The following GOLM1 variants were observed in gnomAD, a reference collection of about 807,000 sequenced individuals.
The protein encoded by GOLM1 is golgi membrane protein 1.
Under a neutral mutation model 50.5 loss-of-function variants are expected in GOLM1, and 31 were observed. The ratio of observed to expected loss-of-function variants is 0.61; its 90% CI spans 0.46 to 0.83. The LOEUF is 0.83. GOLM1 is among the 40% of genes least tolerant of loss of function. The pLI is 0.00. For missense variants in GOLM1, 491 were observed against 501.3 expected (o/e 0.98, Z 0.20); for synonymous variants, 178 against 192.8 (o/e 0.92, Z 0.64).
chr9:86,035,866 CAAAAAAAAAAACAAAACA>C (rs1833118590), intron 7 of GOLM1, among the ~76,000 whole-genome samples: 1 of 46,740 alleles, frequency 2.1e-5, no homozygotes, highest in Non-Finnish European at 4.1e-5. Flanking sequence ...AGTAGCTTAC[CAAAAAAAAAAACAAAACA>C]AAAAAAAAAA....
chr9:86,045,247 A>G (rs1354156257), intron 5 of GOLM1, among the ~76,000 whole-genome samples: 1 of 151,786 alleles, frequency 6.6e-6, no homozygotes, highest in African/African-American at 2.4e-5. Context: ...GCTACTCAGG[A>G]GGCTGAGGCT....
chr9:86,077,210 AC>A (rs928790835), intron 3 of GOLM1, among the ~76,000 whole-genome samples: 2 of 152,144 alleles, frequency 1.3e-5, no homozygotes, highest in African/African-American at 4.8e-5. Context: ...GTTTATTACC[AC>A]TGCAAAAGGC....
chr9:86,076,309 T>C (rs1363799272), intron 3 of GOLM1, among the ~76,000 whole-genome samples: 1 of 149,472 alleles, frequency 6.7e-6, no homozygotes, highest in Non-Finnish European at 1.5e-5. Flanking sequence ...TAGTCCCAGC[T>C]ACTTGGGAGG....
intron 3 of GOLM1, among the ~76,000 whole-genome samples, chr9:86,071,710 G>GC (rs1834454032): frequency 6.6e-6 from 1 of 151,564 alleles, no homozygotes; most frequent in East Asian, 1.9e-4. Flanking sequence ...GTTTCATAAC[G>GC]CAACAGTTAA....
At chr9:86,027,949 A>G in intron 9 of GOLM1, 56 bp from the exon 10 acceptor site, 4 of 1,021,506 alleles carry the variant, frequency 3.9e-6, no homozygotes, top group Non-Finnish European at 6.0e-6. Context: ...TACTAGCCCT[A>G]GGCAGGTCCC....
At chr9:86,097,961 T>C (rs1280034291) in intron 1 of GOLM1, among the ~76,000 whole-genome samples, 3 of 152,140 alleles carry the variant, frequency 2.0e-5, no homozygotes, top group Admixed American at 2.0e-4. Context: ...AACCAGCCAT[T>C]AGAAAGCAGA....
intron 3 of GOLM1, among the ~76,000 whole-genome samples, chr9:86,064,066 G>A (rs1179724840): frequency 1.3e-5 from 2 of 152,214 alleles, no homozygotes; most frequent in African/African-American, 2.4e-5. Flanking sequence ...GACAGGCTCA[G>A]GCCCCTCCCT....
At chr9:86,029,794 CTACT>C (rs1441662972) in intron 9 of GOLM1, among the ~76,000 whole-genome samples, 5 of 152,178 alleles carry the variant, frequency 3.3e-5, no homozygotes, top group East Asian at 1.9e-4. Context: ...TTTACCTTAC[CTACT>C]TACTTTGTTT....
intron 3 of GOLM1, among the ~76,000 whole-genome samples, chr9:86,060,705 C>A (rs1834127505): frequency 6.6e-6 from 1 of 151,326 alleles, no homozygotes; most frequent in Non-Finnish European, 1.5e-5. Context: ...ATGGAGAAGC[C>A]CCGTCTCTAC....
chr9:86,046,494 A>C lies in GOLM1; in HGVS notation c.443T>G (p.Leu148Arg). 1 of 1,611,594 alleles carries C rather than the reference A, an allele frequency of 6.2e-7. No homozygotes were observed. Among genetic ancestry groups the C allele is most frequent in the Non-Finnish European group, 8.5e-7 (1 of 1,177,688 alleles). The change falls in exon 5 of 10, where the codon CTG (leucine) becomes CGG (arginine). Residue 148 changes from leucine (L) to arginine (R), a missense_variant. By Grantham distance (102) the Leu-to-Arg change is moderately radical. Transcript: ENST00000388712. ...CAGGTCGTAGGAGAACTTCCTCTCC[A>C]GGTTGGTCTGGTTCTTCTGAAACTG... ...VLQFQKNQTNLERKFSYDLSQ... is the reference protein window; with the variant it reads ...VLQFQKNQTNRERKFSYDLSQ...
intron 3 of GOLM1, among the ~76,000 whole-genome samples, chr9:86,062,951 C>T (rs575212471): frequency 2.0e-5 from 3 of 152,328 alleles, no homozygotes; most frequent in South Asian, 4.1e-4. Context: ...TGAAGGTCTC[C>T]TCATCACCCA....
chr9:86,049,564 T>C (rs1046624315), intron 4 of GOLM1, among the ~76,000 whole-genome samples: 7 of 152,210 alleles, frequency 4.6e-5, no homozygotes, highest in African/African-American at 1.7e-4. Context: ...TGGTTTGTAG[T>C]TCTCCTTGAA....
At chr9:86,076,146 C>A (rs1196359390) in intron 3 of GOLM1, among the ~76,000 whole-genome samples, 2 of 151,990 alleles carry the variant, frequency 1.3e-5, no homozygotes, top group Non-Finnish European at 2.9e-5. Flanking sequence ...AGGCCAGGTG[C>A]GGTGGCTCAT....
At chr9:86,048,564 T>C in intron 4 of GOLM1, among the ~76,000 whole-genome samples, 1 of 152,214 alleles carries the variant, frequency 6.6e-6, no homozygotes, top group Non-Finnish European at 1.5e-5. Flanking sequence ...ATGATCGTCA[T>C]TCTAAACTGC....
chr9:86,055,830 G>C (rs529964339), intron 3 of GOLM1, among the ~76,000 whole-genome samples: 7 of 152,272 alleles, frequency 4.6e-5, no homozygotes, highest in African/African-American at 1.7e-4. Context: ...TCGAGACCCA[G>C]GGTTGCAGAA....
chr9:86,097,739 T>C (rs1162643961), intron 1 of GOLM1, among the ~76,000 whole-genome samples: 3 of 152,146 alleles, frequency 2.0e-5, no homozygotes, highest in Non-Finnish European at 4.4e-5. Context: ...GTACTTCCAA[T>C]GCAGAAAGCC....
rs947417948 is a variant in GOLM1, at chr9:86,079,665, A to T, written c.-21-324T>A. The T allele has an allele frequency of 4.1e-5, 9 of 221,922 alleles. No homozygotes were observed. The South Asian group carries it at 1.6e-3, about 39-fold the overall frequency. The allele number at this position is 221,922 out of a possible 1,614,324, so 13.7% of individuals were successfully genotyped here. ...ACACTTCAGATTCCTCCCTTGTAAAATCATTACCATACTCACCTTCCCGGC... is the reference window on the plus strand; with the variant it reads ...ACACTTCAGATTCCTCCCTTGTAAATTCATTACCATACTCACCTTCCCGGC... On this transcript the variant is annotated intron_variant, in intron 1 of 9. Transcript: ENST00000388712.
chr9:86,065,583 G>T (rs1834284822), intron 3 of GOLM1, among the ~76,000 whole-genome samples: 1 of 152,126 alleles, frequency 6.6e-6, no homozygotes, highest in Non-Finnish European at 1.5e-5. Flanking sequence ...ATGCAGTCTG[G>T]TGGGGCCAGT....
At chr9:86,033,419 T>A in intron 8 of GOLM1, 24 bp from the exon 9 acceptor site, 1 of 1,364,700 alleles carries the variant, frequency 7.3e-7, no homozygotes, top group Non-Finnish European at 1.0e-6. Flanking sequence ...ACATAAAACA[T>A]AAGCTACATC....
Sources: allele counts gnomAD v4.1 joint callset (sites outside exome capture counted in the v4.1 genomes callset), GRCh38; gene constraint gnomAD v4.1.1; transcripts MANE v1.5; gene names NCBI Gene and HGNC (gene_info 2026-07-23, HGNC 2026-07-21).